The following TXNRD1 variants were observed in gnomAD, a reference collection of about 807,000 sequenced individuals.
The protein encoded by TXNRD1 is thioredoxin reductase 1.
A neutral mutation model predicts 80.3 loss-of-function variants in TXNRD1; 57 were observed. The ratio of observed to expected loss-of-function variants is 0.71; its 90% CI spans 0.57 to 0.89. TXNRD1 has a LOEUF of 0.89. TXNRD1 is among the 40% of genes least tolerant of loss of function. The pLI is 0.00. For synonymous variants in TXNRD1, 291 were observed against 285.2 expected, an observed-to-expected ratio of 1.02 and a Z score of -0.20; for missense variants, 730 against 803.0, an observed-to-expected ratio of 0.91 and a Z score of 1.10.
At chr12:104,302,921 C>T (rs2034698549) in intron 4 of TXNRD1, among the ~76,000 whole-genome samples, 1 of 152,210 alleles carries the variant, frequency 6.6e-6, no homozygotes, top group Non-Finnish European at 1.5e-5. Context: ...GATTACTCAC[C>T]CAGTTTACAG....
intron 6 of TXNRD1, 134 bp downstream of exon 6, chr12:104,313,451 ATCTTT>A: frequency 1.6e-6 from 1 of 640,660 alleles, no homozygotes; most frequent in South Asian, 2.4e-5. Flanking sequence ...AAACATATAT[ATCTTT>A]TATTTGAGCC....
At chr12:104,311,840 G>T (rs1028104083) in intron 5 of TXNRD1, among the ~76,000 whole-genome samples, 16 of 152,052 alleles carry the variant, frequency 1.1e-4, no homozygotes, top group African/African-American at 3.6e-4. Context: ...AATTAGCCAG[G>T]CGTGGTGGTG....
chr12:104,278,442 G>A (rs191255708), intron 3 of TXNRD1, among the ~76,000 whole-genome samples: 1,723 of 148,092 alleles, frequency 0.012, 45 homozygotes, highest in African/African-American at 0.041. Flanking sequence ...CTCGTGATCC[G>A]CCCGCCTTGG....
intron 4 of TXNRD1, chr12:104,303,794 G>T: frequency 7.5e-7 from 1 of 1,326,604 alleles, no homozygotes. Flanking sequence ...TGGGAGGGCC[G>T]TTACCTCAGA....
intron 3 of TXNRD1, among the ~76,000 whole-genome samples, chr12:104,271,948 C>A (rs1265061442): frequency 1.3e-5 from 2 of 151,980 alleles, no homozygotes; most frequent in Non-Finnish European, 2.9e-5. Context: ...TAGGGCCAGG[C>A]GCGGTGACTC....
At chr12:104,275,992 C>A (rs566660531) in intron 3 of TXNRD1, among the ~76,000 whole-genome samples, 100 of 152,298 alleles carry the variant, frequency 6.6e-4, no homozygotes, top group African/African-American at 2.2e-3. Flanking sequence ...CCTAAGGGCA[C>A]ACAGTTTGCC....
At chr12:104,303,618 G>GGAGCGCCGCGCTGGTCTATGAGC in intron 4 of TXNRD1, 1 of 334,636 alleles carries the variant, frequency 3.0e-6, no homozygotes, top group Non-Finnish European at 5.4e-6. Flanking sequence ...GCGCGTGTTG[G>GGAGCGCCGCGCTGGTCTATGAGC]GAGCGCCGCG....
chr12:104,309,741 A>AT (rs1157042459), intron 4 of TXNRD1: 1 of 1,503,532 alleles, frequency 6.7e-7, no homozygotes, highest in Admixed American at 2.0e-5. Flanking sequence ...TTATTACCAA[A>AT]TTGTTTTTCC....
intron 1 of TXNRD1, among the ~76,000 whole-genome samples, chr12:104,218,972 C>A (rs975477810): frequency 6.6e-6 from 1 of 152,146 alleles, no homozygotes; most frequent in Non-Finnish European, 1.5e-5. Flanking sequence ...AGAGATGGGT[C>A]TCACTCTGTT....
chr12:104,288,064 C>A (rs1311253182), intron 3 of TXNRD1, among the ~76,000 whole-genome samples: 1 of 152,228 alleles, frequency 6.6e-6, no homozygotes, highest in Middle Eastern at 3.4e-3. Context: ...GATCTGGGCT[C>A]ACTGCAACCT....
intron 6 of TXNRD1, among the ~76,000 whole-genome samples, chr12:104,314,719 T>C (rs904830768): frequency 6.7e-6 from 1 of 149,972 alleles, no homozygotes; most frequent in Non-Finnish European, 1.5e-5. Context: ...AAAATGCACA[T>C]ATACACCAAA....
rs960636786 is a variant in TXNRD1 at position 104,319,578 on chromosome 12, A to C, written c.982A>C (p.Ile328Leu). Residue 328 changes from isoleucine to leucine, a missense_variant, in exon 9 of 17, where the codon ATC (isoleucine) becomes CTC (leucine). Ile to Leu is a conservative substitution (Grantham distance 5). Coordinates refer to ENST00000525566, the MANE Select transcript of TXNRD1 (RefSeq NM_001093771.3). ...CATCCCTGGTGACAAAGAATACTGC[A>C]TCAGCAGGTAAAGGAAAAAAGCAGG... ...LGIPGDKEYC[I>L]SSDDLFSLPY... 6.3e-7 allele frequency: 1 copy of C among 1,594,234 alleles called. No homozygotes were observed. The highest frequency in any genetic ancestry group is 2.2e-5 in the East Asian group (1 of 44,544).
In TXNRD1 at chr12:104,252,658, T is replaced by TATATATATATATATATA. The variant is rs1491493630; in HGVS notation, c.243+980_243+981insATATATATATATATATA. Among the ~76,000 whole-genome samples the TATATATATATATATATA allele has an allele frequency of 6.4e-3, 66 of 10,330 alleles. 1 individual carries two copies. The highest frequency in any genetic ancestry group is 8.3e-3 in the Non-Finnish European group (48 of 5,788). The allele number at this position is 10,330 out of a possible 152,430, so 6.8% of individuals were successfully genotyped here. A position where few individuals can be genotyped will look rare whatever the true frequency, so the allele number is the denominator to read the frequency against. On this transcript the variant is annotated intron_variant, in intron 2 of 16. Coordinates refer to ENST00000525566, the MANE Select transcript of TXNRD1 (RefSeq NM_001093771.3). ...GGTTCACTGAGAGGTTAATTTATTA[T>TATATATATATATATATA]TTTTTATATATATATATATATATAT...
At chr12:104,340,498 G>T (rs942789304) in intron 16 of TXNRD1, among the ~76,000 whole-genome samples, 2 of 152,154 alleles carry the variant, frequency 1.3e-5, no homozygotes, top group Non-Finnish European at 2.9e-5. Flanking sequence ...CAAGATGTCA[G>T]CAGGGCCAAG....
chr12:104,295,853 G>A (rs2034419630), intron 4 of TXNRD1, among the ~76,000 whole-genome samples: 2 of 152,138 alleles, frequency 1.3e-5, no homozygotes, highest in Admixed American at 6.5e-5. Context: ...TTATGCCTGT[G>A]GTCCCAGGCA....
Position 104,309,002 on chromosome 12 carries a change from G to A in TXNRD1, c.415-2288G>A, listed in dbSNP as rs2035033513. Among the ~76,000 whole-genome samples the A allele has an allele frequency of 2.0e-5, 3 of 150,250 alleles. No individual in the cohort carries two copies. The East Asian group carries it at 5.9e-4, about 30-fold the overall frequency. On this transcript the variant is annotated intron_variant, in intron 4 of 16. Coordinates refer to ENST00000525566, the MANE Select transcript of TXNRD1 (RefSeq NM_001093771.3). ...AATCTCCGCCTCCTGGGTTCAAGCA[G>A]TTCTCCTGCCTCAGCCTCCCGAATA... is the stretch of plus-strand genomic sequence containing the variant.
intron 4 of TXNRD1, among the ~76,000 whole-genome samples, chr12:104,289,702 T>C (rs1451912079): frequency 6.6e-6 from 1 of 151,140 alleles, no homozygotes; most frequent in Non-Finnish European, 1.5e-5. Flanking sequence ...AGAAAAATGC[T>C]TGGAGGCTGG....
Position 104,325,458 on chromosome 12 carries a change from A to G in TXNRD1, c.1308+29A>G, listed in dbSNP as rs573454621. ...AGGAATGGGCCCAGGTTAATACTTT[A>G]TCAGAAAGCAAATAACATGCTTATT... On this transcript the variant is annotated intron_variant, in intron 11 of 16. Transcript: ENST00000525566. The G allele has an allele frequency of 9.9e-6, 15 of 1,513,728 alleles. No homozygotes were observed. The East Asian group carries it at 2.7e-4, about 27-fold the overall frequency. The allele number at this position is 1,513,728 out of a possible 1,614,324, so 93.8% of individuals were successfully genotyped here. A position where few individuals can be genotyped will look rare whatever the true frequency, so the allele number is the denominator to read the frequency against.
At chr12:104,246,435 C>CA (rs1257754360) in intron 1 of TXNRD1, among the ~76,000 whole-genome samples, 2 of 148,600 alleles carry the variant, frequency 1.3e-5, no homozygotes, top group South Asian at 2.1e-4. Flanking sequence ...CTCAAAAAAA[C>CA]AAAAAAACAA....
Sources: gnomAD v4.1 joint callset for allele counts (sites outside exome capture counted in the v4.1 genomes callset) on GRCh38, gnomAD v4.1.1 for gene constraint, MANE v1.5 for transcripts, NCBI Gene and HGNC (gene_info 2026-07-23, HGNC 2026-07-21) for gene names.